Variants in MAST4 observed in about 807,000 individuals in gnomAD.
MAST4 encodes microtubule associated serine/threonine kinase family member 4.
A neutral mutation model predicts 162.7 loss-of-function variants in MAST4; 89 were observed. That is an observed-to-expected ratio of 0.55 (90% CI 0.46 to 0.65). MAST4 has a LOEUF of 0.65. MAST4 is among the 30% of genes least tolerant of loss of function. The pLI, the probability that MAST4 is intolerant of heterozygous loss-of-function variation, is 0.00. For missense variants in MAST4, 3,153 were observed against 3,374.0 expected (o/e 0.93, Z 1.62); for synonymous variants, 1,479 against 1,361.1 (o/e 1.09, Z -1.91).
chr5:67,104,624 GA>G (rs746454708), intron 10 of MAST4, 49 bp downstream of exon 10: 4 of 1,446,788 alleles, frequency 2.8e-6, no homozygotes, highest in Non-Finnish European at 3.7e-6. Flanking sequence ...GCTTTTCCCT[GA>G]AAAAAATTTT....
intron 4 of MAST4, among the ~76,000 whole-genome samples, chr5:66,994,406 C>T (rs1293366615): frequency 6.6e-6 from 1 of 152,144 alleles, no homozygotes; most frequent in Non-Finnish European, 1.5e-5. Flanking sequence ...CGTATATTAG[C>T]ATTCTTAATA....
chr5:67,005,600 A>G (rs1434772649), intron 4 of MAST4, among the ~76,000 whole-genome samples: 2 of 152,216 alleles, frequency 1.3e-5, no homozygotes, highest in African/African-American at 4.8e-5. Flanking sequence ...TGATTTTTCA[A>G]TGGTTTGCTG....
chr5:67,049,077 A>ATATATG (rs1757850807), intron 4 of MAST4, among the ~76,000 whole-genome samples: 1 of 143,040 alleles, frequency 7.0e-6, no homozygotes, highest in African/African-American at 2.6e-5. Context: ...ATATATATAT[A>ATATATG]TACACTACCA....
chr5:66,618,644 G>C (rs1275808543), intron 1 of MAST4, among the ~76,000 whole-genome samples: 10 of 148,024 alleles, frequency 6.8e-5, no homozygotes, highest in Admixed American at 5.4e-4. Flanking sequence ...AAAGGCTTCA[G>C]ATTAACTAGA....
At chr5:66,830,568 A>G (rs746332691) in intron 3 of MAST4, among the ~76,000 whole-genome samples, 2 of 152,194 alleles carry the variant, frequency 1.3e-5, no homozygotes, top group African/African-American at 2.4e-5. Flanking sequence ...TCTGGATGAG[A>G]TAAGTCTTCA....
intron 4 of MAST4, among the ~76,000 whole-genome samples, chr5:67,051,102 A>C: frequency 6.6e-6 from 1 of 152,166 alleles, no homozygotes; most frequent in Middle Eastern, 3.4e-3. Flanking sequence ...AGTTATAAAA[A>C]AGATATTTCT....
At chr5:66,772,934 C>T (rs2149641266) in intron 2 of MAST4, among the ~76,000 whole-genome samples, 1 of 152,278 alleles carries the variant, frequency 6.6e-6, no homozygotes, top group East Asian at 1.9e-4. Context: ...TGCACCCTCC[C>T]TTGAACCCCT....
chr5:66,901,224 C>A (rs1338740867), intron 4 of MAST4, among the ~76,000 whole-genome samples: 7 of 151,986 alleles, frequency 4.6e-5, no homozygotes, highest in African/African-American at 1.7e-4. Context: ...GGCTTAAGCA[C>A]CCTTTATTTT....
At chr5:67,081,201 A>C (rs1762617889) in intron 5 of MAST4, among the ~76,000 whole-genome samples, 1 of 150,192 alleles carries the variant, frequency 6.7e-6, no homozygotes, top group Non-Finnish European at 1.5e-5. Flanking sequence ...CCTATTTTAG[A>C]GGGAAGGGAA....
intron 1 of MAST4, among the ~76,000 whole-genome samples, chr5:66,727,517 G>C (rs894245435): frequency 6.6e-6 from 1 of 152,094 alleles, no homozygotes; most frequent in Non-Finnish European, 1.5e-5. Flanking sequence ...GGGGAGAGAG[G>C]AGGAGGGCAG....
chr5:66,624,553 G>A (rs1474420060), intron 1 of MAST4, among the ~76,000 whole-genome samples: 4 of 152,020 alleles, frequency 2.6e-5, no homozygotes, highest in African/African-American at 9.7e-5. Flanking sequence ...ACCCTAAAAT[G>A]TATATGGGAC....
At position 67,136,810 on chromosome 5, in the gene MAST4, T is replaced by C. The variant is rs939845077; in HGVS notation, c.2494+146T>C. 4 of 602,278 alleles carry C rather than the reference T, an allele frequency of 6.6e-6. No individual in the cohort carries two copies. In the African/African-American group the frequency reaches 7.4e-5, roughly 11 times the overall value. 37.3% of individuals were successfully genotyped at this position (602,278 alleles called of 1,614,324 possible). On this transcript the variant is annotated intron_variant, in intron 19 of 28. Transcript: ENST00000403625. The stretch of plus-strand genomic sequence containing the variant: ...ACATGACTGCAACACATTATAGCAA[T>C]AATATTTTGGATTTTGTTTTCTGAT...
chr5:67,069,297 TATATATATATATATAA>T (rs1402357169), intron 5 of MAST4, among the ~76,000 whole-genome samples: 5 of 142,670 alleles, frequency 3.5e-5, no homozygotes, highest in South Asian at 2.2e-4. Context: ...GATATATATA[TATATATATATATATAA>T]AATTTTAAAA....
chr5:66,766,271 T>G (rs1193622672), intron 2 of MAST4, among the ~76,000 whole-genome samples: 1 of 152,168 alleles, frequency 6.6e-6, no homozygotes, highest in Non-Finnish European at 1.5e-5. Context: ...AAGAGAGTTG[T>G]GTTTTTTTTC....
chr5:66,614,272 A>G (rs551961360), intron 1 of MAST4, among the ~76,000 whole-genome samples: 1 of 152,214 alleles, frequency 6.6e-6, no homozygotes, highest in East Asian at 1.9e-4. Flanking sequence ...TACTTCAAAG[A>G]TTCTCTGTCT....
At chr5:66,994,743 C>T (rs185125409) in intron 4 of MAST4, among the ~76,000 whole-genome samples, 129 of 152,256 alleles carry the variant, frequency 8.5e-4, no homozygotes, top group African/African-American at 2.9e-3. Context: ...TGGGAAATAA[C>T]AAGTTAGGGT....
intron 3 of MAST4, among the ~76,000 whole-genome samples, chr5:66,810,910 C>A (rs996267795): frequency 6.6e-6 from 1 of 152,218 alleles, no homozygotes; most frequent in Non-Finnish European, 1.5e-5. Context: ...GAGGACTTCC[C>A]TGTGAAAGCA....
chr5:67,010,418 G>T (rs574671543), intron 4 of MAST4, among the ~76,000 whole-genome samples: 1 of 152,298 alleles, frequency 6.6e-6, no homozygotes, highest in South Asian at 2.1e-4. Context: ...ATGAGAAAGA[G>T]CCATCATGGG....
chr5:66,700,800 T>TAC (rs10522165), intron 1 of MAST4, among the ~76,000 whole-genome samples: 1,692 of 91,126 alleles, frequency 0.019, 16 homozygotes, highest in Middle Eastern at 0.059. Context: ...TATATATATA[T>TAC]ACACACACAC....
Sources: gnomAD v4.1 joint callset for allele counts (sites outside exome capture counted in the v4.1 genomes callset) on GRCh38, gnomAD v4.1.1 for gene constraint, MANE v1.5 for transcripts, NCBI Gene and HGNC (gene_info 2026-07-23, HGNC 2026-07-21) for gene names.